ROR1: variants seen among roughly 807,000 people sequenced by gnomAD.
ROR1 encodes the protein inactive tyrosine-protein kinase transmembrane receptor ROR1.
In ROR1, 19 loss-of-function variants were observed where a neutral mutation model predicts 78.8. The observed-to-expected ratio is 0.24, with a 90% CI of 0.17 to 0.35. ROR1 has a LOEUF of 0.35. Among genes scored for constraint, ROR1 ranks in the 10% least tolerant of loss-of-function variants. ROR1 has a pLI of 1.00. For missense variants in ROR1, 917 were observed against 1,177.8 expected (o/e 0.78, Z 3.24); for synonymous variants, 386 against 433.6 (o/e 0.89, Z 1.36).
At chr1:63,828,403 C>G (rs1644967879) in intron 1 of ROR1, among the ~76,000 whole-genome samples, 1 of 152,100 alleles carries the variant, frequency 6.6e-6, no homozygotes, top group Admixed American at 6.6e-5. Flanking sequence ...TACATTTGAT[C>G]AGAAAGCCAC....
At chr1:64,106,325 G>A (rs2100664599) in intron 4 of ROR1, 1 of 152,260 alleles carries the variant, frequency 6.6e-6, no homozygotes, top group Non-Finnish European at 1.5e-5. Context: ...CTGAGACTTT[G>A]CTGAAGTTGC....
chr1:64,014,224 G>A (rs998604285), intron 2 of ROR1, among the ~76,000 whole-genome samples: 2 of 152,138 alleles, frequency 1.3e-5, no homozygotes, highest in Non-Finnish European at 2.9e-5. Flanking sequence ...TCACCCAGCT[G>A]CTGTGTTCCA....
intron 1 of ROR1, among the ~76,000 whole-genome samples, chr1:63,833,364 G>A (rs1014021129): frequency 1.3e-4 from 20 of 152,164 alleles, no homozygotes; most frequent in Middle Eastern, 3.2e-3. Context: ...CACCCTTGGG[G>A]TATTAACAGT....
chr1:64,067,444 C>CA (rs58105318), intron 4 of ROR1, among the ~76,000 whole-genome samples: 13,388 of 55,636 alleles, frequency 0.24, 2,155 homozygotes, highest in African/African-American at 0.29. Flanking sequence ...GCCTCCGTCT[C>CA]AAAAAAAAAA....
At chr1:63,815,249 C>T (rs1333123080) in intron 1 of ROR1, among the ~76,000 whole-genome samples, 2 of 152,064 alleles carry the variant, frequency 1.3e-5, no homozygotes, top group African/African-American at 4.8e-5. Context: ...GCAATGAAGA[C>T]TTTTTGGATA....
intron 1 of ROR1, among the ~76,000 whole-genome samples, chr1:63,794,117 C>G (rs532141925): frequency 5.5e-4 from 83 of 152,286 alleles, no homozygotes; most frequent in African/African-American, 1.9e-3. Context: ...GCCAAAGGGG[C>G]CTCTGACAAA....
At chr1:63,955,156 G>A (rs185442533) in intron 1 of ROR1, among the ~76,000 whole-genome samples, 161 of 152,288 alleles carry the variant, frequency 1.1e-3, no homozygotes, top group Admixed American at 9.2e-3. Flanking sequence ...GCAAACACAA[G>A]GACCTTGGAA....
At chr1:63,892,126 T>C (rs1399895417) in intron 1 of ROR1, among the ~76,000 whole-genome samples, 3 of 152,190 alleles carry the variant, frequency 2.0e-5, no homozygotes, top group African/African-American at 7.2e-5. Flanking sequence ...TAATGGACCA[T>C]GAATAGTGCT....
intron 4 of ROR1, among the ~76,000 whole-genome samples, chr1:64,087,954 G>A (rs770727066): frequency 1.3e-5 from 2 of 152,160 alleles, no homozygotes; most frequent in Admixed American, 6.6e-5. Context: ...ACACTGGGTG[G>A]CCTGTGGATG....
intron 1 of ROR1, among the ~76,000 whole-genome samples, chr1:64,007,396 G>GTGTGTA (rs1646437098): frequency 6.6e-6 from 1 of 151,758 alleles, no homozygotes; most frequent in East Asian, 1.9e-4. Context: ...GTGTGTGTGT[G>GTGTGTA]TGTGTGTGTG....
intron 1 of ROR1, among the ~76,000 whole-genome samples, chr1:63,877,377 A>G (rs1206222157): frequency 2.0e-5 from 3 of 152,184 alleles, no homozygotes; most frequent in Admixed American, 6.6e-5. Context: ...AAGTTTCCTC[A>G]TCTGTCTGAT....
intron 1 of ROR1, among the ~76,000 whole-genome samples, chr1:63,895,312 T>C (rs1340510519): frequency 6.6e-6 from 1 of 152,212 alleles, no homozygotes; most frequent in East Asian, 1.9e-4. Context: ...TTCTTCATTG[T>C]CTCTGTTAGA....
chr1:63,894,352 T>C (rs532210639), intron 1 of ROR1, among the ~76,000 whole-genome samples: 1 of 152,268 alleles, frequency 6.6e-6, no homozygotes, highest in South Asian at 2.1e-4. Context: ...AAACCAAAAC[T>C]ACAGATAAGG....
At chr1:63,884,550 C>T (rs2100379573) in intron 1 of ROR1, among the ~76,000 whole-genome samples, 1 of 152,280 alleles carries the variant, frequency 6.6e-6, no homozygotes, top group South Asian at 2.1e-4. Context: ...GGGACTGCAG[C>T]CTCAGCCTTT....
intron 2 of ROR1, among the ~76,000 whole-genome samples, chr1:64,014,110 C>T (rs1010364125): frequency 2.0e-5 from 3 of 152,220 alleles, no homozygotes; most frequent in African/African-American, 7.2e-5. Flanking sequence ...TCTGTTGTGA[C>T]AACTGAGTGC....
chr1:63,897,525 T>C (rs1645449934), intron 1 of ROR1, among the ~76,000 whole-genome samples: 1 of 152,184 alleles, frequency 6.6e-6, no homozygotes, highest in Non-Finnish European at 1.5e-5. Context: ...ACATAAAGTT[T>C]CCTTGTTTCT....
rs1279093331 is a variant in ROR1, at chr1:64,177,456, C to T, written c.1415C>T (p.Ala472Val). The T allele has an allele frequency of 1.2e-6, 2 of 1,613,884 alleles. No individual in the cohort carries two copies. Among genetic ancestry groups the T allele is most frequent in the Non-Finnish European group, 1.7e-6 (2 of 1,179,946 alleles). ...AAGGCTAAAGAGCTACCTCTTTCTG[C>T]TGTACGCTTTATGGAAGAATTGGGT... ...KSKAKELPLS[A>V]VRFMEELGEC... is the part of the protein sequence containing the mutation. The change falls in exon 9 of 9, where the codon GCT (alanine) becomes GTT (valine). Residue 472 changes from alanine (A) to valine (V), a missense_variant. Around this residue, in one of 3 missense-constraint regions of ROR1, gnomAD observed 835 missense variants for 1,069.8 expected, o/e 0.78. Transcript: ENST00000371079.
intron 1 of ROR1, among the ~76,000 whole-genome samples, chr1:63,983,265 T>G (rs752070801): frequency 1.2e-4 from 18 of 152,236 alleles, no homozygotes; most frequent in Non-Finnish European, 2.4e-4. Flanking sequence ...TGTGATCATC[T>G]GAATTGCTCT....
At chr1:63,933,152 G>A (rs937166397) in intron 1 of ROR1, among the ~76,000 whole-genome samples, 1 of 152,132 alleles carries the variant, frequency 6.6e-6, no homozygotes, top group Admixed American at 6.5e-5. Flanking sequence ...ATGACCAAGA[G>A]TCCTGAGAAA....
Sources: gnomAD v4.1 joint callset for allele counts (sites outside exome capture counted in the v4.1 genomes callset) on GRCh38, gnomAD v4.1.1 for gene constraint, gnomAD v4.1.1 regional missense constraint, MANE v1.5 for transcripts, NCBI Gene and HGNC (gene_info 2026-07-23, HGNC 2026-07-21) for gene names.